The following TNFRSF21 variants were observed in gnomAD, a reference collection of about 807,000 sequenced individuals.
The protein encoded by TNFRSF21 is TNF receptor superfamily member 21.
A neutral mutation model predicts 45.6 loss-of-function variants in TNFRSF21; 19 were observed. That is an observed-to-expected ratio of 0.42 (90% CI 0.29 to 0.61). The LOEUF is 0.61. Among genes scored for constraint, TNFRSF21 ranks in the 20% least tolerant of loss-of-function variants. The probability of loss-of-function intolerance (pLI) is 0.23; values close to 1 mark genes in which losing one functional copy is unlikely to be tolerated. For missense variants in TNFRSF21, 737 were observed against 851.5 expected (o/e 0.87, Z 1.67); for synonymous variants, 314 against 335.5 (o/e 0.94, Z 0.70).
chr6:47,265,992 T>C (rs1179387911), intron 3 of TNFRSF21, among the ~76,000 whole-genome samples: 1 of 152,252 alleles, frequency 6.6e-6, no homozygotes, highest in Non-Finnish European at 1.5e-5. Flanking sequence ...TGATACCTGA[T>C]TGAAGAGTTT....
At chr6:47,257,229 GA>G (rs569577719) in intron 3 of TNFRSF21, among the ~76,000 whole-genome samples, 4 of 148,504 alleles carry the variant, frequency 2.7e-5, no homozygotes, top group South Asian at 2.1e-4. Context: ...AAGAAAAAAA[GA>G]AAAAAAAACC....
intron 1 of TNFRSF21, among the ~76,000 whole-genome samples, chr6:47,298,558 T>TA (rs1419877890): frequency 3.3e-5 from 5 of 152,318 alleles, no homozygotes; most frequent in Non-Finnish European, 5.9e-5. Context: ...AAATAGTTTT[T>TA]AAAAAATCAA....
chr6:47,308,848 A>T (rs1762975976), intron 1 of TNFRSF21, among the ~76,000 whole-genome samples: 1 of 152,238 alleles, frequency 6.6e-6, no homozygotes, highest in Non-Finnish European at 1.5e-5. Flanking sequence ...AAAGGGATTG[A>T]GGAGGGGGCG....
At chr6:47,264,380 T>C (rs946643085) in intron 3 of TNFRSF21, among the ~76,000 whole-genome samples, 1 of 152,034 alleles carries the variant, frequency 6.6e-6, no homozygotes, top group Non-Finnish European at 1.5e-5. Flanking sequence ...ATACAAAAAT[T>C]AGCCAGGCAT....
chr6:47,269,394 T>C (rs763820915), intron 3 of TNFRSF21, among the ~76,000 whole-genome samples: 5 of 152,200 alleles, frequency 3.3e-5, no homozygotes, highest in Non-Finnish European at 7.3e-5. Context: ...TGTTCAAATA[T>C]ATATAATTAA....
rs947412330 is a variant in TNFRSF21, at chr6:47,237,721, A to AT, written c.1510-2824dup. ...AGGCTGGGCACGGTGACTCACACCT[A>AT]TTTTTTTTTGTTCCATTTAATATTT... is the stretch of plus-strand genomic sequence containing the variant. On this transcript the variant is annotated intron_variant, in intron 4 of 5. Coordinates refer to ENST00000296861, the MANE Select transcript of TNFRSF21 (RefSeq NM_014452.5). Among the ~76,000 whole-genome samples, 8 of 151,282 alleles carry AT rather than the reference A, an allele frequency of 5.3e-5. No individual in the cohort carries two copies. The South Asian group carries it at 1.1e-3, about 20-fold the overall frequency.
intron 1 of TNFRSF21, among the ~76,000 whole-genome samples, chr6:47,291,873 G>A (rs1762734291): frequency 6.6e-6 from 1 of 152,200 alleles, no homozygotes; most frequent in South Asian, 2.1e-4. Flanking sequence ...TTTCGCCTGA[G>A]TGAAACCCTG....
intron 3 of TNFRSF21, among the ~76,000 whole-genome samples, chr6:47,274,025 A>G (rs953827916): frequency 2.6e-5 from 4 of 152,250 alleles, no homozygotes; most frequent in Non-Finnish European, 5.9e-5. Context: ...GCTCATGGAT[A>G]GGAAGAATGA....
chr6:47,241,603 C>G (rs1363522419), intron 4 of TNFRSF21, among the ~76,000 whole-genome samples: 1 of 152,076 alleles, frequency 6.6e-6, no homozygotes, highest in Non-Finnish European at 1.5e-5. Flanking sequence ...GGAATATGGA[C>G]TGGAAACGTA....
In TNFRSF21 at chr6:47,232,691, C is replaced by T. The variant is rs1764605603; in HGVS notation, c.*74G>A. On this transcript the variant is annotated 3_prime_UTR_variant, in exon 6 of 6. Coordinates refer to ENST00000296861, the MANE Select transcript of TNFRSF21 (RefSeq NM_014452.5). The stretch of plus-strand genomic sequence containing the variant: ...CACACACACCCCAAACAACAAAAAT[C>T]AGAAACAGAAGAAAATTAAAAAACC... 1 of 1,399,208 alleles carries T rather than the reference C, an allele frequency of 7.1e-7. No homozygotes were observed. Among genetic ancestry groups the T allele is most frequent in the African/African-American group, 1.4e-5 (1 of 69,506 alleles). The allele number at this position is 1,399,208 out of a possible 1,614,324, so 86.7% of individuals were successfully genotyped here.
rs1460765809 is a variant in TNFRSF21, at chr6:47,300,144, G to A, written c.96+9272C>T. On this transcript the variant is annotated intron_variant, in intron 1 of 5. Coordinates refer to ENST00000296861, the MANE Select transcript of TNFRSF21 (RefSeq NM_014452.5). ...GGGATAGAGCTATTAAAAAGTGGCA[G>A]CCATAAAGGCTTGAACTGACGTGAA... 2.0e-5 allele frequency among the ~76,000 whole-genome samples: 3 copies of A among 152,166 alleles called. No individual in the cohort carries two copies. The East Asian group carries it at 5.8e-4, about 29-fold the overall frequency.
chr6:47,232,717 AC>A lies in TNFRSF21; in HGVS notation c.*47del, dbSNP rs1561935496. 2.3e-5 allele frequency: 36 copies of A among 1,567,806 alleles called. 1 individual carries two copies. The highest frequency in any genetic ancestry group is 3.1e-5 in the Non-Finnish European group (36 of 1,146,064). On this transcript the variant is annotated 3_prime_UTR_variant, in exon 6 of 6. Coordinates refer to ENST00000296861, the MANE Select transcript of TNFRSF21 (RefSeq NM_014452.5). ...AGAAACAGAAGAAAATTAAAAAACC[AC>A]CCTGCCACTAAATTGAGTAATTTCC...
intron 3 of TNFRSF21, among the ~76,000 whole-genome samples, chr6:47,266,044 G>C (rs1762329733): frequency 6.6e-6 from 1 of 152,110 alleles, no homozygotes; most frequent in African/African-American, 2.4e-5. Context: ...GCTTCCAGTT[G>C]ATCAACTTCT....
intron 1 of TNFRSF21, among the ~76,000 whole-genome samples, chr6:47,308,177 T>G (rs567993641): frequency 3.9e-5 from 6 of 152,324 alleles, no homozygotes; most frequent in African/African-American, 1.4e-4. Flanking sequence ...AAACTTTTAT[T>G]TAGTCTCTCT....
intron 3 of TNFRSF21, among the ~76,000 whole-genome samples, chr6:47,254,271 T>G (rs1561941129): frequency 6.6e-6 from 1 of 152,132 alleles, no homozygotes; most frequent in African/African-American, 2.4e-5. Context: ...AAGGGATGAT[T>G]CCCTTCCCCA....
At chr6:47,245,098 G>A (rs1472463597) in intron 4 of TNFRSF21, among the ~76,000 whole-genome samples, 1 of 152,170 alleles carries the variant, frequency 6.6e-6, no homozygotes, top group Non-Finnish European at 1.5e-5. Flanking sequence ...CAGGAAGGGT[G>A]TAGATTAAAG....
intron 3 of TNFRSF21, among the ~76,000 whole-genome samples, chr6:47,271,779 G>A (rs1014465035): frequency 1.3e-5 from 2 of 151,598 alleles, no homozygotes; most frequent in East Asian, 1.9e-4. Flanking sequence ...CATCTCACAC[G>A]CACACACACA....
intron 3 of TNFRSF21, among the ~76,000 whole-genome samples, chr6:47,273,274 T>C (rs1762452961): frequency 6.6e-6 from 1 of 152,216 alleles, no homozygotes; most frequent in South Asian, 2.1e-4. Flanking sequence ...AATAAAATAC[T>C]TGCAAACCAA....
intron 4 of TNFRSF21, among the ~76,000 whole-genome samples, chr6:47,243,030 C>A (rs565649273): frequency 6.6e-6 from 1 of 152,308 alleles, no homozygotes; most frequent in African/African-American, 2.4e-5. Context: ...AACTCAAGAC[C>A]TTGAAGTAAG....
Sources: allele counts gnomAD v4.1 joint callset (sites outside exome capture counted in the v4.1 genomes callset), GRCh38; gene constraint gnomAD v4.1.1; transcripts MANE v1.5; gene names NCBI Gene and HGNC (gene_info 2026-07-23, HGNC 2026-07-21).